Variants in HEMK2 observed in about 807,000 individuals in gnomAD.
HEMK2 encodes HemK methyltransferase 2, ETF1 glutamine and histone H4 lysine, also known as methyltransferase HEMK2.
the HEMK2 span, among the ~76,000 whole-genome samples, chr21:28,583,521 T>C: frequency 2.0e-4 from 30 of 152,342 alleles, no homozygotes; most frequent in East Asian, 5.8e-3. Flanking sequence ...GACCTTGAAA[T>C]AGGGCTACGT....
At chr21:28,688,564 C>A in the HEMK2 span, among the ~76,000 whole-genome samples, 1 of 151,550 alleles carries the variant, frequency 6.6e-6, no homozygotes, top group African/African-American at 2.4e-5. Flanking sequence ...TCTCCAGGAT[C>A]TAGGATGACA....
At chr21:28,753,306 G>A in the HEMK2 span, among the ~76,000 whole-genome samples, 1 of 149,484 alleles carries the variant, frequency 6.7e-6, no homozygotes, top group Non-Finnish European at 1.5e-5. Flanking sequence ...GCAGTGAACT[G>A]AGATTGCACC....
chr21:28,639,424 C>T, the HEMK2 span, among the ~76,000 whole-genome samples: 1 of 152,284 alleles, frequency 6.6e-6, no homozygotes, highest in East Asian at 1.9e-4. Context: ...ACTAACGACC[C>T]TACCTTCAAG....
the HEMK2 span, among the ~76,000 whole-genome samples, chr21:28,588,834 T>A: frequency 5.3e-5 from 8 of 151,800 alleles, no homozygotes; most frequent in African/African-American, 1.2e-4. Flanking sequence ...ATACAAAAAA[T>A]TAGCCGGGCG....
the HEMK2 span, among the ~76,000 whole-genome samples, chr21:28,690,952 G>A: frequency 3.9e-5 from 6 of 152,052 alleles, no homozygotes; most frequent in Non-Finnish European, 8.8e-5. Context: ...AAGCTTCTCA[G>A]TCCTCTCTAT....
chr21:28,721,831 G>C, the HEMK2 span, among the ~76,000 whole-genome samples: 1 of 151,368 alleles, frequency 6.6e-6, no homozygotes. Flanking sequence ...AAAGTGAAGT[G>C]ATTTGCCCCA....
the HEMK2 span, among the ~76,000 whole-genome samples, chr21:28,584,950 T>A: frequency 6.6e-6 from 1 of 152,178 alleles, no homozygotes; most frequent in African/African-American, 2.4e-5. Flanking sequence ...TGGATATGGA[T>A]AGCACCCATG....
At chr21:28,726,718 G>A in the HEMK2 span, among the ~76,000 whole-genome samples, 1 of 152,016 alleles carries the variant, frequency 6.6e-6, no homozygotes, top group Admixed American at 6.6e-5. Context: ...GACCAGCCTG[G>A]CCAACATGTC....
At chr21:28,877,103 C>T in the HEMK2 span, among the ~76,000 whole-genome samples, 4 of 94,660 alleles carry the variant, frequency 4.2e-5, no homozygotes, top group African/African-American at 1.7e-4. Flanking sequence ...AAGGAAAGGA[C>T]GCATGGATGG....
chr21:28,684,933 G>C, the HEMK2 span, among the ~76,000 whole-genome samples: 1 of 152,196 alleles, frequency 6.6e-6, no homozygotes, highest in Non-Finnish European at 1.5e-5. Flanking sequence ...TAGTTAAAGA[G>C]GTAAAGACAG....
the HEMK2 span, among the ~76,000 whole-genome samples, chr21:28,786,213 A>G: frequency 6.6e-6 from 1 of 152,210 alleles, no homozygotes; most frequent in Non-Finnish European, 1.5e-5. Context: ...AATCTTCTCA[A>G]CCTGTGAAAT....
the HEMK2 span, among the ~76,000 whole-genome samples, chr21:28,724,831 G>A: frequency 6.6e-6 from 1 of 152,110 alleles, no homozygotes; most frequent in African/African-American, 2.4e-5. Flanking sequence ...ACCCAGGCTG[G>A]AGTGCAAAGG....
the HEMK2 span, among the ~76,000 whole-genome samples, chr21:28,823,868 G>C: frequency 6.6e-6 from 1 of 152,120 alleles, no homozygotes; most frequent in Non-Finnish European, 1.5e-5. Context: ...AGAAGTCACA[G>C]TTGAAGGTTT....
chr21:28,600,511 C>T, the HEMK2 span, among the ~76,000 whole-genome samples: 1 of 152,188 alleles, frequency 6.6e-6, no homozygotes, highest in Non-Finnish European at 1.5e-5. Flanking sequence ...TTTTTTCTTC[C>T]AAGCCCCTGG....
chr21:28,797,551 G>A, the HEMK2 span, among the ~76,000 whole-genome samples: 1 of 152,010 alleles, frequency 6.6e-6, no homozygotes, highest in Non-Finnish European at 1.5e-5. Flanking sequence ...GGAGGTGGAG[G>A]TTGCAGTGAG....
chr21:28,730,874 T>C, the HEMK2 span, among the ~76,000 whole-genome samples: 2 of 151,702 alleles, frequency 1.3e-5, no homozygotes, highest in Non-Finnish European at 2.9e-5. Context: ...ATTATACATG[T>C]GTGTGAATAT....
At chr21:28,871,386 T>C in the HEMK2 span, among the ~76,000 whole-genome samples, 1 of 152,106 alleles carries the variant, frequency 6.6e-6, no homozygotes, top group East Asian at 1.9e-4. Flanking sequence ...TGCTACACAC[T>C]TTTAAACAAC....
chr21:28,771,186 G>C, the HEMK2 span, among the ~76,000 whole-genome samples: 1 of 152,206 alleles, frequency 6.6e-6, no homozygotes, highest in Non-Finnish European at 1.5e-5. Context: ...GCAAGCCAAG[G>C]TTTGAATCCC....
the HEMK2 span, among the ~76,000 whole-genome samples, chr21:28,767,163 C>A: frequency 6.6e-6 from 1 of 152,034 alleles, no homozygotes; most frequent in Non-Finnish European, 1.5e-5. Flanking sequence ...TTGCCTGCCA[C>A]CATCCATGTA....
Sources: allele counts gnomAD v4.1 joint callset (sites outside exome capture counted in the v4.1 genomes callset), GRCh38; gene constraint gnomAD v4.1.1; transcripts MANE v1.5; gene names NCBI Gene and HGNC (gene_info 2026-07-23, HGNC 2026-07-21).